Variants in TNR observed in about 807,000 individuals in gnomAD.
The protein encoded by TNR is tenascin-R.
A neutral mutation model predicts 150.4 loss-of-function variants in TNR; 45 were observed. That is an observed-to-expected ratio of 0.30 (90% CI 0.24 to 0.38). TNR has a LOEUF of 0.38. Ranked by LOEUF, TNR falls within the 10% of genes least tolerant of loss-of-function variation. The pLI is 1.00. For missense variants in TNR, 1,544 were observed against 1,759.1 expected, an observed-to-expected ratio of 0.88 and a Z score of 2.19; for synonymous variants, 687 against 678.4, an observed-to-expected ratio of 1.01 and a Z score of -0.20.
At chr1:175,419,536 C>G (rs1654656493) in intron 2 of TNR, among the ~76,000 whole-genome samples, 1 of 152,196 alleles carries the variant, frequency 6.6e-6, no homozygotes, top group Admixed American at 6.5e-5. Flanking sequence ...TCCAATTCCT[C>G]TGTGGCACGA....
At chr1:175,512,464 G>C (rs1048451396) in intron 2 of TNR, among the ~76,000 whole-genome samples, 1 of 152,298 alleles carries the variant, frequency 6.6e-6, no homozygotes, top group East Asian at 1.9e-4. Context: ...TACCAAACAA[G>C]TGATGACTTC....
At chr1:175,418,725 A>C (rs147421247) in intron 2 of TNR, among the ~76,000 whole-genome samples, 2 of 144,908 alleles carry the variant, frequency 1.4e-5, no homozygotes, top group South Asian at 2.2e-4. Flanking sequence ...AGAGAGAGAA[A>C]AAAAAAAAAA....
intron 18 of TNR, among the ~76,000 whole-genome samples, chr1:175,353,002 A>G (rs1412608204): frequency 1.3e-5 from 2 of 151,804 alleles, no homozygotes; most frequent in African/African-American, 4.9e-5. Flanking sequence ...GTGCTCTGAC[A>G]TGGCAGGCAG....
At chr1:175,737,081 T>G (rs1667793316) in intron 1 of TNR, among the ~76,000 whole-genome samples, 1 of 152,066 alleles carries the variant, frequency 6.6e-6, no homozygotes, top group Admixed American at 6.6e-5. Context: ...CAAAGTAGGC[T>G]CTGTTCCAAA....
At chr1:175,671,460 T>C (rs1180463468) in intron 1 of TNR, among the ~76,000 whole-genome samples, 1 of 152,190 alleles carries the variant, frequency 6.6e-6, no homozygotes, top group Non-Finnish European at 1.5e-5. Context: ...AGCCATTTAG[T>C]ACCCCTGGCA....
chr1:175,399,014 TC>T (rs1653571200), intron 4 of TNR, among the ~76,000 whole-genome samples: 1 of 152,182 alleles, frequency 6.6e-6, no homozygotes. Context: ...TTTCATTCTT[TC>T]CCCTACAATT....
chr1:175,363,426 T>A, intron 13 of TNR, among the ~76,000 whole-genome samples: 1 of 152,216 alleles, frequency 6.6e-6, no homozygotes, highest in East Asian at 1.9e-4. Context: ...CAGATTCTTT[T>A]GGGGCTCTTT....
chr1:175,628,306 G>A (rs894243328), intron 1 of TNR, among the ~76,000 whole-genome samples: 1 of 152,086 alleles, frequency 6.6e-6, no homozygotes, highest in African/African-American at 2.4e-5. Flanking sequence ...AGCCTTTTTA[G>A]GATCTCTGAA....
intron 1 of TNR, among the ~76,000 whole-genome samples, chr1:175,567,823 A>T (rs2041394044): frequency 6.6e-6 from 1 of 152,140 alleles, no homozygotes; most frequent in Non-Finnish European, 1.5e-5. Flanking sequence ...CATGTGAATG[A>T]AGTGGGATGG....
intron 1 of TNR, among the ~76,000 whole-genome samples, chr1:175,706,371 C>T (rs769506538): frequency 1.3e-5 from 2 of 152,122 alleles, no homozygotes; most frequent in Admixed American, 6.5e-5. Flanking sequence ...CCATATTCTA[C>T]CCTGAATTTG....
intron 1 of TNR, among the ~76,000 whole-genome samples, chr1:175,672,931 C>T (rs748469734): frequency 6.6e-6 from 1 of 152,290 alleles, no homozygotes; most frequent in Admixed American, 6.5e-5. Context: ...CATGTCTCTG[C>T]TCATTCCTCT....
chr1:175,356,729 C>G (rs528681554), intron 15 of TNR, among the ~76,000 whole-genome samples: 16 of 152,250 alleles, frequency 1.1e-4, no homozygotes, highest in Non-Finnish European at 2.1e-4. Flanking sequence ...AAGGATAAAT[C>G]TAGTCTTTTG....
intron 8 of TNR, among the ~76,000 whole-genome samples, chr1:175,383,446 T>C (rs977141881): frequency 2.6e-5 from 4 of 152,154 alleles, no homozygotes; most frequent in African/African-American, 9.7e-5. Flanking sequence ...AGGAGTTCCC[T>C]CCTGAGGGCA....
At position 175,697,125 on chromosome 1, in the gene TNR, G is replaced by A. The variant is rs1038447130; in HGVS notation, c.-165+46101C>T. ...CGTGTATATGTATGTACATATATCT[G>A]TAATTTCTCCCTAGGACCAGCAAAG... is the stretch of plus-strand genomic sequence containing the variant. On this transcript the variant is annotated intron_variant, in intron 1 of 22. Transcript: ENST00000367674. 2.0e-5 allele frequency among the ~76,000 whole-genome samples: 3 copies of A among 148,822 alleles called. No homozygotes were observed. The East Asian group carries it at 6.0e-4, about 30-fold the overall frequency.
chr1:175,706,575 T>C, intron 1 of TNR, among the ~76,000 whole-genome samples: 1 of 152,126 alleles, frequency 6.6e-6, no homozygotes, highest in East Asian at 1.9e-4. Flanking sequence ...CTGTTCAGCA[T>C]GGATGCCAGT....
At chr1:175,493,219 G>A (rs1035601636) in intron 2 of TNR, among the ~76,000 whole-genome samples, 3 of 152,050 alleles carry the variant, frequency 2.0e-5, no homozygotes, top group Admixed American at 6.6e-5. Flanking sequence ...AAACAAAATG[G>A]GTATTAATGC....
At chr1:175,360,867 G>GT (rs1456669811) in intron 14 of TNR, among the ~76,000 whole-genome samples, 2 of 151,932 alleles carry the variant, frequency 1.3e-5, no homozygotes, top group African/African-American at 4.8e-5. Flanking sequence ...TCCAAAAGTT[G>GT]TAAGATCATA....
At chr1:175,609,313 C>T (rs1663520209) in intron 1 of TNR, among the ~76,000 whole-genome samples, 1 of 152,064 alleles carries the variant, frequency 6.6e-6, no homozygotes. Flanking sequence ...ATACATCAAG[C>T]ACATTAGAAT....
chr1:175,487,795 T>A (rs1344208766), intron 2 of TNR, among the ~76,000 whole-genome samples: 2 of 152,232 alleles, frequency 1.3e-5, no homozygotes, highest in Non-Finnish European at 2.9e-5. Context: ...AAAAAGGTAG[T>A]GCCTCTTGTT....
Sources: allele counts gnomAD v4.1 joint callset (sites outside exome capture counted in the v4.1 genomes callset), GRCh38; gene constraint gnomAD v4.1.1; transcripts MANE v1.5; gene names NCBI Gene and HGNC (gene_info 2026-07-23, HGNC 2026-07-21).